Variants in JPH3 observed in about 807,000 individuals in gnomAD.
JPH3 encodes the protein junctophilin 3, also known as junctophilin-3.
Under a neutral mutation model 59.6 loss-of-function variants are expected in JPH3, and 11 were observed. That is an observed-to-expected ratio of 0.18 (90% CI 0.12 to 0.31). JPH3 has a LOEUF of 0.31. JPH3 is among the 10% of genes least tolerant of loss of function. The probability of loss-of-function intolerance (pLI) is 1.00; values close to 1 mark genes in which losing one functional copy is unlikely to be tolerated. For missense variants in JPH3, 1,202 were observed against 1,105.7 expected, an observed-to-expected ratio of 1.09 and a Z score of -1.24; for synonymous variants, 673 against 483.6, an observed-to-expected ratio of 1.39 and a Z score of -5.14.
rs2030302281 is a variant in JPH3, at chr16:87,602,904, G to A, written c.-243G>A. On this transcript the variant is annotated 5_prime_UTR_variant, in exon 1 of 5. Coordinates refer to ENST00000284262, the MANE Select transcript of JPH3 (RefSeq NM_020655.4). ...TCCCCTCCGGTCCTGTCTCCAGCGG[G>A]AGCGCGAGACGCTGGTCAGGCTCCG... is the stretch of plus-strand genomic sequence containing the variant. The A allele has an allele frequency of 2.5e-6, 1 of 396,822 alleles. No homozygotes were observed. Among genetic ancestry groups the A allele is most frequent in the Non-Finnish European group, 4.5e-6 (1 of 223,678 alleles). The allele number at this position is 396,822 out of a possible 1,614,324, so 24.6% of individuals were successfully genotyped here. A position where few individuals can be genotyped will look rare whatever the true frequency, so the allele number is the denominator to read the frequency against.
intron 3 of JPH3, 151 bp downstream of exon 3, chr16:87,684,417 G>A (rs779052813): frequency 3.4e-5 from 44 of 1,299,930 alleles, no homozygotes; most frequent in Non-Finnish European, 4.3e-5. Flanking sequence ...CTCTCCCGCC[G>A]AAGGTGCTTG....
At chr16:87,669,209 G>A (rs1156505809) in intron 2 of JPH3, among the ~76,000 whole-genome samples, 3 of 152,156 alleles carry the variant, frequency 2.0e-5, no homozygotes, top group African/African-American at 7.2e-5. Flanking sequence ...AAAGTCCCTG[G>A]TCAGCCCCGA....
chr16:87,609,929 T>C (rs1567580465), intron 1 of JPH3, among the ~76,000 whole-genome samples: 1 of 152,322 alleles, frequency 6.6e-6, no homozygotes, highest in South Asian at 2.1e-4. Flanking sequence ...TAATATATAG[T>C]GAAGTAATAA....
chr16:87,671,123 T>G (rs1337770328), intron 2 of JPH3, among the ~76,000 whole-genome samples: 1 of 152,134 alleles, frequency 6.6e-6, no homozygotes, highest in African/African-American at 2.4e-5. Flanking sequence ...ATTGAGTCTT[T>G]GTAACTTGTG....
intron 2 of JPH3, among the ~76,000 whole-genome samples, chr16:87,652,043 T>TGGCTCACTGCAAGCTC (rs1014277235): frequency 2.6e-5 from 4 of 152,066 alleles, no homozygotes; most frequent in African/African-American, 4.8e-5. Flanking sequence ...GGCACGATCT[T>TGGCTCACTGCAAGCTC]GGCTCACTGC....
chr16:87,606,986 C>T (rs1222069868), intron 1 of JPH3, among the ~76,000 whole-genome samples: 3 of 152,146 alleles, frequency 2.0e-5, no homozygotes, highest in Non-Finnish European at 4.4e-5. Flanking sequence ...TTGGGAGGAA[C>T]CAGCAGGCGT....
At position 87,690,084 on chromosome 16, in the gene JPH3, G is replaced by C; in HGVS notation, c.1724G>C (p.Arg575Pro). The change falls in exon 4 of 5, where the codon CGG becomes CCG. Residue 575 changes from arginine to proline, a missense_variant. Physicochemically the swap from Arg to Pro is moderately radical, Grantham distance 103. Transcript: ENST00000284262. ...QPGNPKPRER[R>P]TESPPVFTWT... ...GGGAACCCCAAGCCGCGGGAGCGGC[G>C]GACGGAGTCACCCCCCGTGTTCACG... is the stretch of plus-strand genomic sequence containing the variant. 1 of 1,575,336 alleles carries C rather than the reference G, an allele frequency of 6.3e-7. No individual in the cohort carries two copies. The highest frequency in any genetic ancestry group is 8.6e-7 in the Non-Finnish European group (1 of 1,161,644).
At chr16:87,684,427 GT>G in intron 3 of JPH3, 161 bp downstream of exon 3, 1 of 1,235,884 alleles carries the variant, frequency 8.1e-7, no homozygotes, top group Non-Finnish European at 1.1e-6. Context: ...GAAGGTGCTT[GT>G]TTGTGCCAAG....
intron 1 of JPH3, among the ~76,000 whole-genome samples, chr16:87,638,215 G>A (rs1163842568): frequency 2.0e-5 from 3 of 152,114 alleles, no homozygotes; most frequent in African/African-American, 4.8e-5. Context: ...CACCACACCC[G>A]GCCTCCTTTT....
At chr16:87,627,003 A>G (rs906297493) in intron 1 of JPH3, among the ~76,000 whole-genome samples, 1 of 152,244 alleles carries the variant, frequency 6.6e-6, no homozygotes, top group Admixed American at 6.5e-5. Flanking sequence ...TTTTTAAAAG[A>G]TAATTTTAAA....
intron 2 of JPH3, among the ~76,000 whole-genome samples, chr16:87,668,290 G>A (rs1438187152): frequency 1.3e-5 from 2 of 152,104 alleles, no homozygotes; most frequent in East Asian, 1.9e-4. Context: ...CTTGTTTTTC[G>A]TGGTCCATGT....
At chr16:87,668,446 C>T (rs2032931742) in intron 2 of JPH3, among the ~76,000 whole-genome samples, 1 of 152,186 alleles carries the variant, frequency 6.6e-6, no homozygotes, top group Non-Finnish European at 1.5e-5. Context: ...AGTCAGTTCC[C>T]TTCACTGAGC....
intron 4 of JPH3, among the ~76,000 whole-genome samples, chr16:87,693,223 C>T (rs57504143): frequency 0.054 from 8,182 of 152,292 alleles, 756 homozygotes; most frequent in African/African-American, 0.19. Context: ...TGGGAGGTTG[C>T]GGAGGGTGTG....
intron 2 of JPH3, among the ~76,000 whole-genome samples, chr16:87,673,202 T>G (rs369967589): frequency 5.9e-5 from 9 of 151,460 alleles, no homozygotes; most frequent in African/African-American, 2.2e-4. Flanking sequence ...CCTTACTGCA[T>G]AAAACACTTC....
chr16:87,638,209 A>G (rs1309909500), intron 1 of JPH3, among the ~76,000 whole-genome samples: 5 of 152,130 alleles, frequency 3.3e-5, no homozygotes, highest in Non-Finnish European at 7.3e-5. Flanking sequence ...ATGAGCCACC[A>G]CACCCGGCCT....
At chr16:87,620,345 T>TGGGCCAGAGC (rs891834759) in intron 1 of JPH3, among the ~76,000 whole-genome samples, 1 of 89,914 alleles carries the variant, frequency 1.1e-5, no homozygotes, top group Non-Finnish European at 2.2e-5. Flanking sequence ...CCTGGTGTCA[T>TGGGCCAGAGC]GGGCCAGAGC....
In JPH3 at chr16:87,635,534, C is replaced by T. The variant is rs182945777; in HGVS notation, c.383-8724C>T. ...AATGCTGCTGACCAAGCAGGCCAGG[C>T]GCTGAGTGACTGTCCCAGCGGATCT... On this transcript the variant is annotated intron_variant, in intron 1 of 4. Coordinates refer to ENST00000284262, the MANE Select transcript of JPH3 (RefSeq NM_020655.4). Among the ~76,000 whole-genome samples the T allele has an allele frequency of 1.3e-3, 199 of 152,272 alleles. 4 individuals carry two copies. In the South Asian group the frequency reaches 0.033, roughly 25 times the overall value.
intron 1 of JPH3, among the ~76,000 whole-genome samples, chr16:87,627,370 C>T (rs1019380770): frequency 3.9e-5 from 6 of 152,236 alleles, no homozygotes; most frequent in Admixed American, 2.6e-4. Context: ...ATAACAGCAG[C>T]GGTCTCCAGA....
chr16:87,652,498 C>G (rs1482211889), intron 2 of JPH3, among the ~76,000 whole-genome samples: 1 of 152,258 alleles, frequency 6.6e-6, no homozygotes, highest in Non-Finnish European at 1.5e-5. Flanking sequence ...GGGTCTTACT[C>G]TGCCGTCCAG....
Sources: gnomAD v4.1 joint callset for allele counts (sites outside exome capture counted in the v4.1 genomes callset) on GRCh38, gnomAD v4.1.1 for gene constraint, MANE v1.5 for transcripts, NCBI Gene and HGNC (gene_info 2026-07-23, HGNC 2026-07-21) for gene names.